KCNIP4: variants seen among roughly 807,000 people sequenced by gnomAD.
KCNIP4 encodes potassium voltage-gated channel interacting protein 4, also known as Kv channel-interacting protein 4.
KCNIP4 carries 12 observed loss-of-function variants against 34.0 expected under a neutral mutation model. The ratio of observed to expected loss-of-function variants is 0.35; its 90% CI spans 0.23 to 0.57. KCNIP4 has a LOEUF of 0.57. Among genes scored for constraint, KCNIP4 ranks in the 20% least tolerant of loss-of-function variants. The pLI, the probability that KCNIP4 is intolerant of heterozygous loss-of-function variation, is 0.83. For synonymous variants in KCNIP4, 124 were observed against 102.2 expected, an observed-to-expected ratio of 1.21 and a Z score of -1.29; for missense variants, 238 against 311.7, an observed-to-expected ratio of 0.76 and a Z score of 1.78.
intron 1 of KCNIP4, among the ~76,000 whole-genome samples, chr4:21,684,690 T>C (rs1190779648): frequency 2.0e-5 from 3 of 152,194 alleles, no homozygotes. Context: ...TTATTATACT[T>C]TAAGTTCTAG....
At chr4:21,578,332 CAAAAAAAAAAAAA>C (rs71191522) in intron 1 of KCNIP4, among the ~76,000 whole-genome samples, 5 of 75,128 alleles carry the variant, frequency 6.7e-5, no homozygotes, top group African/African-American at 2.1e-4. Context: ...GACTCCGTCT[CAAAAAAAAAAAAA>C]AAAAAAAAAA....
intron 3 of KCNIP4, among the ~76,000 whole-genome samples, chr4:20,842,642 G>A (rs914232629): frequency 1.4e-5 from 2 of 145,816 alleles, no homozygotes; most frequent in Non-Finnish European, 3.0e-5. Context: ...GGAACTGACT[G>A]GTTTCTATTT....
intron 1 of KCNIP4, among the ~76,000 whole-genome samples, chr4:21,783,388 ACT>A (rs1719695098): frequency 6.6e-6 from 1 of 152,102 alleles, no homozygotes; most frequent in African/African-American, 2.4e-5. Flanking sequence ...ATAAAGATAA[ACT>A]CAAAAAAAAA....
rs568796237 is a variant in KCNIP4, at chr4:20,787,299, C to T, written c.289-28409G>A. On this transcript the variant is annotated intron_variant, in intron 3 of 8. Transcript: ENST00000382152. Reference sequence around the variant, plus strand: ...CATCTCTCAACAAATTTGCTACCACCGCAATTTATTTTTTAGGTGGTTTTA... The same window carrying T: ...CATCTCTCAACAAATTTGCTACCACTGCAATTTATTTTTTAGGTGGTTTTA... Among the ~76,000 whole-genome samples, 161 of 152,204 alleles carry T rather than the reference C, an allele frequency of 1.1e-3. 1 individual carries two copies. Among genetic ancestry groups the T allele is most frequent in the African/African-American group, 3.2e-3 (133 of 41,534 alleles).
chr4:21,700,989 T>TCTGTA (rs1442422940), intron 1 of KCNIP4, among the ~76,000 whole-genome samples: 2 of 152,142 alleles, frequency 1.3e-5, no homozygotes, highest in African/African-American at 4.8e-5. Flanking sequence ...ATAGCCAAGA[T>TCTGTA]ACAGAAGCAA....
rs186635570 is a variant in KCNIP4 at position 21,054,742 on chromosome 4, C to T, written c.62-172033G>A. On this transcript the variant is annotated intron_variant, in intron 1 of 8. Coordinates refer to ENST00000382152, the MANE Select transcript of KCNIP4 (RefSeq NM_025221.6). Reference sequence around the variant, plus strand: ...AAAAAAAAAAGAATCTAGAGACAGACCTTATACTCTTCACAAAATTAACTA... The same window carrying T: ...AAAAAAAAAAGAATCTAGAGACAGATCTTATACTCTTCACAAAATTAACTA... Among the ~76,000 whole-genome samples, 653 of 145,612 alleles carry T rather than the reference C, an allele frequency of 4.5e-3. 11 individuals carry two copies. The highest frequency in any genetic ancestry group is 0.015 in the Middle Eastern group (4 of 266).
rs1577547681 is a variant in KCNIP4 at position 21,020,818 on chromosome 4, T to C, written c.62-138109A>G. Reference sequence around the variant, plus strand: ...TTAAAGAAATGAATAAAATAACTTGTATGGTTAAGTAGCAAAGCCAAGGAG... The same window carrying C: ...TTAAAGAAATGAATAAAATAACTTGCATGGTTAAGTAGCAAAGCCAAGGAG... On this transcript the variant is annotated intron_variant, in intron 1 of 8. Transcript: ENST00000382152. 2.0e-5 allele frequency among the ~76,000 whole-genome samples: 3 copies of C among 152,124 alleles called. No homozygotes were observed. The East Asian group carries it at 5.8e-4, about 29-fold the overall frequency.
chr4:21,016,520 C>T (rs2149740684), intron 1 of KCNIP4, among the ~76,000 whole-genome samples: 1 of 152,230 alleles, frequency 6.6e-6, no homozygotes, highest in South Asian at 2.1e-4. Context: ...TGGTCTCGAT[C>T]TCCTGACCTC....
intron 1 of KCNIP4, chr4:21,844,120 G>C (rs1560755759): frequency 6.6e-6 from 1 of 151,946 alleles, no homozygotes; most frequent in Non-Finnish European, 1.5e-5. Flanking sequence ...AACCAAACAT[G>C]AATGAGTCAA....
At chr4:21,893,641 A>C (rs1056182262) in intron 1 of KCNIP4, among the ~76,000 whole-genome samples, 7 of 152,174 alleles carry the variant, frequency 4.6e-5, no homozygotes, top group Non-Finnish European at 7.4e-5. Context: ...ACTTGTGTAC[A>C]TGTTGCCCCA....
At chr4:20,925,489 A>G (rs6856054) in intron 1 of KCNIP4, among the ~76,000 whole-genome samples, 20,521 of 152,212 alleles carry the variant, frequency 0.13, 1,940 homozygotes, top group African/African-American at 0.28. Flanking sequence ...TCTAAAAACA[A>G]GAAGCATGAA....
chr4:21,338,347 G>A (rs1216954826), intron 1 of KCNIP4, among the ~76,000 whole-genome samples: 1 of 151,308 alleles, frequency 6.6e-6, no homozygotes, highest in East Asian at 2.0e-4. Context: ...AGTCCCACTG[G>A]CTATACATTG....
chr4:20,772,862 G>A (rs772757474), intron 3 of KCNIP4, among the ~76,000 whole-genome samples: 62 of 151,816 alleles, frequency 4.1e-4, no homozygotes, highest in Non-Finnish European at 6.8e-4. Context: ...TCGAACTCCT[G>A]ACCTCAGGTG....
At position 21,269,423 on chromosome 4, in the gene KCNIP4, G is replaced by T. The variant is rs1319049771; in HGVS notation, c.62-386714C>A. Among the ~76,000 whole-genome samples the T allele has an allele frequency of 2.0e-5, 3 of 151,770 alleles. No homozygotes were observed. The East Asian group carries it at 5.8e-4, about 29-fold the overall frequency. Reference sequence around the variant, plus strand: ...TATTTATTTTTATTTATTTATTTGGGGGGACAGGGTCTCAGTCCAATGTCC... The same window carrying T: ...TATTTATTTTTATTTATTTATTTGGTGGGACAGGGTCTCAGTCCAATGTCC... On this transcript the variant is annotated intron_variant, in intron 1 of 8. Transcript: ENST00000382152.
chr4:20,939,157 C>T (rs567574454), intron 1 of KCNIP4, among the ~76,000 whole-genome samples: 30 of 152,126 alleles, frequency 2.0e-4, no homozygotes, highest in Admixed American at 1.0e-3. Flanking sequence ...TCCTTCCTAC[C>T]CTTCCTCACC....
At chr4:21,762,911 A>G in intron 1 of KCNIP4, 2 of 1,287,126 alleles carry the variant, frequency 1.6e-6, no homozygotes, top group East Asian at 5.6e-5. Flanking sequence ...AATTGGAGGG[A>G]AGGACTCACA....
intron 1 of KCNIP4, among the ~76,000 whole-genome samples, chr4:21,731,009 G>A (rs753001215): frequency 1.3e-5 from 2 of 151,796 alleles, no homozygotes; most frequent in Non-Finnish European, 2.9e-5. Flanking sequence ...AGTTTCTTGG[G>A]AGGCTAAGGT....
At chr4:20,848,067 T>C (rs58284323) in intron 3 of KCNIP4, among the ~76,000 whole-genome samples, 28,974 of 152,072 alleles carry the variant, frequency 0.19, 2,926 homozygotes, top group South Asian at 0.38. Context: ...TTTATTAGAA[T>C]TGTACATTTG....
intron 1 of KCNIP4, among the ~76,000 whole-genome samples, chr4:21,130,221 G>A (rs6837535): frequency 0.68 from 103,723 of 151,912 alleles, 35,960 homozygotes; most frequent in African/African-American, 0.79. Flanking sequence ...TGTAAAAGTT[G>A]CAGATACCTA....
Sources: allele counts gnomAD v4.1 joint callset (sites outside exome capture counted in the v4.1 genomes callset), GRCh38; gene constraint gnomAD v4.1.1; transcripts MANE v1.5; gene names NCBI Gene and HGNC (gene_info 2026-07-23, HGNC 2026-07-21).